Variants in PDE3A observed in about 807,000 individuals in gnomAD.
PDE3A encodes the protein cGMP-inhibited 3',5'-cyclic phosphodiesterase 3A.
In PDE3A, 43 loss-of-function variants were observed where a neutral mutation model predicts 98.3. The ratio of observed to expected loss-of-function variants is 0.44; its 90% CI spans 0.34 to 0.56. The LOEUF is 0.56. Among genes scored for constraint, PDE3A ranks in the 20% least tolerant of loss-of-function variants. The pLI, the probability that PDE3A is intolerant of heterozygous loss-of-function variation, is 0.01. For missense variants in PDE3A, 1,427 were observed against 1,440.7 expected, an observed-to-expected ratio of 0.99 and a Z score of 0.15; for synonymous variants, 663 against 567.9, an observed-to-expected ratio of 1.17 and a Z score of -2.38.
chr12:20,517,303 A>G (rs1212344362), intron 1 of PDE3A, among the ~76,000 whole-genome samples: 1 of 152,218 alleles, frequency 6.6e-6, no homozygotes, highest in Non-Finnish European at 1.5e-5. Context: ...GAAACAAGAC[A>G]TAGCCCTGGT....
chr12:20,412,540 T>G (rs539740393), intron 1 of PDE3A, among the ~76,000 whole-genome samples: 50 of 152,220 alleles, frequency 3.3e-4, no homozygotes, highest in Non-Finnish European at 6.9e-4. Flanking sequence ...TGTAAGAAAG[T>G]GAAAAACCGA....
chr12:20,467,432 T>C (rs536529025), intron 1 of PDE3A, among the ~76,000 whole-genome samples: 3 of 152,256 alleles, frequency 2.0e-5, no homozygotes, highest in Non-Finnish European at 2.9e-5. Context: ...CTCTAGATGT[T>C]GTCACAGGAA....
At chr12:20,533,574 C>A (rs1347905870) in intron 1 of PDE3A, among the ~76,000 whole-genome samples, 1 of 151,500 alleles carries the variant, frequency 6.6e-6, no homozygotes, top group Non-Finnish European at 1.5e-5. Context: ...CTCCGCCTCC[C>A]GGGTTCCCGC....
chr12:20,482,439 A>G (rs942034315), intron 1 of PDE3A, among the ~76,000 whole-genome samples: 3 of 151,358 alleles, frequency 2.0e-5, no homozygotes, highest in African/African-American at 4.9e-5. Context: ...ATCATGTTCA[A>G]GTTGAGGAAT....
intron 1 of PDE3A, among the ~76,000 whole-genome samples, chr12:20,401,000 G>T (rs2120661084): frequency 6.6e-6 from 1 of 152,262 alleles, no homozygotes; most frequent in East Asian, 1.9e-4. Context: ...AGATGCAGAG[G>T]CTGGGTTTGG....
chr12:20,374,132 T>G (rs1437839837), intron 1 of PDE3A, among the ~76,000 whole-genome samples: 2 of 152,108 alleles, frequency 1.3e-5, no homozygotes, highest in Non-Finnish European at 2.9e-5. Flanking sequence ...AATTAATTAA[T>G]GTCAATTTCT....
intron 15 of PDE3A, among the ~76,000 whole-genome samples, chr12:20,656,110 G>A (rs1164205162): frequency 6.6e-6 from 1 of 152,118 alleles, no homozygotes; most frequent in Admixed American, 6.5e-5. Context: ...CACAAATACT[G>A]CTCCTAAGAA....
chr12:20,392,533 ACATAAATAAAT>A, intron 1 of PDE3A, among the ~76,000 whole-genome samples: 1 of 18,810 alleles, frequency 5.3e-5, no homozygotes, highest in East Asian at 0.018. Flanking sequence ...ATAAATAAAT[ACATAAATAAAT>A]AAATAAATAA....
At position 20,408,747 on chromosome 12, in the gene PDE3A, G is replaced by A. The variant is rs184309214; in HGVS notation, c.960+38503G>A. On this transcript the variant is annotated intron_variant, in intron 1 of 15. Coordinates refer to ENST00000359062, the MANE Select transcript of PDE3A (RefSeq NM_000921.5). The stretch of plus-strand genomic sequence containing the variant: ...CTGAGTGATTACATAATTTATTGCC[G>A]TTCTCTATCTTATGCTTTTAATTTT... Among the ~76,000 whole-genome samples, 302 of 152,100 alleles carry A rather than the reference G, an allele frequency of 2.0e-3. 3 individuals carry two copies. Among genetic ancestry groups the A allele is most frequent in the African/African-American group, 6.5e-3 (268 of 41,468 alleles).
intron 1 of PDE3A, among the ~76,000 whole-genome samples, chr12:20,371,711 A>T (rs2120495039): frequency 6.6e-6 from 1 of 152,286 alleles, no homozygotes; most frequent in East Asian, 1.9e-4. Flanking sequence ...CTTGTCTTTA[A>T]GCTTACTCTA....
At chr12:20,658,282 T>C (rs1256948680) in intron 15 of PDE3A, among the ~76,000 whole-genome samples, 2 of 152,226 alleles carry the variant, frequency 1.3e-5, no homozygotes, top group Admixed American at 6.5e-5. Flanking sequence ...CTTTTGCCTA[T>C]GTCCCAGTTC....
intron 1 of PDE3A, among the ~76,000 whole-genome samples, chr12:20,371,084 A>C (rs1943464977): frequency 6.6e-6 from 1 of 152,228 alleles, no homozygotes; most frequent in Non-Finnish European, 1.5e-5. Flanking sequence ...GCCATTTCTA[A>C]GATTGCTGGA....
chr12:20,496,164 A>C (rs1002175037), intron 1 of PDE3A, among the ~76,000 whole-genome samples: 10 of 152,176 alleles, frequency 6.6e-5, no homozygotes, highest in Non-Finnish European at 1.3e-4. Context: ...TGTGCACACT[A>C]TCTGTCTCAT....
At chr12:20,436,905 G>A (rs1460229696) in intron 1 of PDE3A, among the ~76,000 whole-genome samples, 1 of 152,196 alleles carries the variant, frequency 6.6e-6, no homozygotes, top group African/African-American at 2.4e-5. Context: ...TATTGAACTA[G>A]CTTTCCCCTT....
At chr12:20,559,012 A>G (rs1280812904) in intron 2 of PDE3A, among the ~76,000 whole-genome samples, 5 of 152,226 alleles carry the variant, frequency 3.3e-5, no homozygotes, top group Non-Finnish European at 5.9e-5. Flanking sequence ...GGTTGGAAAT[A>G]CAGCAATATT....
chr12:20,610,542 C>A (rs536642047), intron 2 of PDE3A, among the ~76,000 whole-genome samples: 1 of 151,836 alleles, frequency 6.6e-6, no homozygotes, highest in Non-Finnish European at 1.5e-5. Flanking sequence ...GATAAAATCA[C>A]CACCTCATAA....
intron 15 of PDE3A, among the ~76,000 whole-genome samples, chr12:20,660,414 G>GT (rs1484442468): frequency 1.3e-5 from 2 of 152,206 alleles, no homozygotes; most frequent in African/African-American, 4.8e-5. Flanking sequence ...TTGGAACACA[G>GT]TAACAGGCAG....
chr12:20,554,369 AAAAT>A (rs1189323223), intron 1 of PDE3A, among the ~76,000 whole-genome samples: 3 of 5,488 alleles, frequency 5.5e-4, no homozygotes, highest in African/African-American at 5.9e-4. Flanking sequence ...TAAAAAAAAA[AAAAT>A]AAAAAAAATA....
At chr12:20,533,349 A>G (rs1454217455) in intron 1 of PDE3A, among the ~76,000 whole-genome samples, 2 of 151,278 alleles carry the variant, frequency 1.3e-5, no homozygotes, top group Non-Finnish European at 2.9e-5. Context: ...CTCCATTCCT[A>G]TTGTCTCTGC....
Sources: allele counts gnomAD v4.1 joint callset (sites outside exome capture counted in the v4.1 genomes callset), GRCh38; gene constraint gnomAD v4.1.1; transcripts MANE v1.5; gene names NCBI Gene and HGNC (gene_info 2026-07-23, HGNC 2026-07-21).